MED12L: variants seen among roughly 807,000 people sequenced by gnomAD.
MED12L encodes the protein mediator of RNA polymerase II transcription subunit 12-like protein.
A neutral mutation model predicts 281.3 loss-of-function variants in MED12L; 60 were observed. That is an observed-to-expected ratio of 0.21 (90% CI 0.17 to 0.26). The LOEUF (loss-of-function observed/expected upper bound fraction) is 0.26, where lower values mean the gene tolerates loss of function less well. Ranked by LOEUF, MED12L falls within the 10% of genes least tolerant of loss-of-function variation. The probability of loss-of-function intolerance (pLI) is 1.00; values close to 1 mark genes in which losing one functional copy is unlikely to be tolerated. For missense variants in MED12L, 2,146 were observed against 2,680.9 expected (o/e 0.80, Z 4.41); for synonymous variants, 974 against 987.2 (o/e 0.99, Z 0.25).
chr3:151,432,245 T>G (rs1357357085), intron 44 of MED12L, among the ~76,000 whole-genome samples: 2 of 152,272 alleles, frequency 1.3e-5, no homozygotes, highest in African/African-American at 4.8e-5. Flanking sequence ...CATGCATGTC[T>G]ACATAGGCAC....
At chr3:151,193,970 T>TC (rs1419663720) in intron 16 of MED12L, among the ~76,000 whole-genome samples, 11 of 148,836 alleles carry the variant, frequency 7.4e-5, no homozygotes, top group Non-Finnish European at 3.0e-5. Context: ...CTTTTCTTTT[T>TC]TTTTTTTTTT....
At chr3:151,158,656 A>G in intron 6 of MED12L, 33 bp from the exon 7 acceptor site, 1 of 1,437,214 alleles carries the variant, frequency 7.0e-7, no homozygotes. Flanking sequence ...TTTCTTTAAC[A>G]TTATTAATGT....
chr3:151,281,162 G>A (rs1742742647), intron 16 of MED12L, among the ~76,000 whole-genome samples: 1 of 148,014 alleles, frequency 6.8e-6, no homozygotes, highest in Non-Finnish European at 1.5e-5. Context: ...GCCGAGGCAG[G>A]CAGGTCACAA....
chr3:151,237,350 CTTT>C (rs57239604), intron 16 of MED12L, among the ~76,000 whole-genome samples: 1 of 94,600 alleles, frequency 1.1e-5, no homozygotes, highest in African/African-American at 4.1e-5. Context: ...TTTTTTTTTT[CTTT>C]TTTTTTTTTT....
At chr3:151,123,085 T>A in intron 4 of MED12L, 111 bp downstream of exon 4, 1 of 926,142 alleles carries the variant, frequency 1.1e-6, no homozygotes, top group Non-Finnish European at 1.6e-6. Context: ...TGCAAGCCTA[T>A]TGGCAGGTTT....
At position 151,086,887 on chromosome 3, in the gene MED12L, C is replaced by A; in HGVS notation, c.-40C>A. The A allele has an allele frequency of 6.6e-7, 1 of 1,516,806 alleles. No individual in the cohort carries two copies. The allele number at this position is 1,516,806 out of a possible 1,614,324, so 94.0% of individuals were successfully genotyped here. A position where few individuals can be genotyped will look rare whatever the true frequency, so the allele number is the denominator to read the frequency against. On this transcript the variant is annotated 5_prime_UTR_variant, in exon 2 of 45. Transcript: ENST00000687756. The stretch of plus-strand genomic sequence containing the variant: ...TGGTGCTCAGAGGCGGCTGCTCCAG[C>A]TCCAACTCTCATTCATTTCGCCGGT...
At chr3:151,342,644 A>G (rs1032397757) in intron 16 of MED12L, among the ~76,000 whole-genome samples, 32 of 152,216 alleles carry the variant, frequency 2.1e-4, no homozygotes, top group African/African-American at 7.7e-4. Context: ...ACTTGAAGCT[A>G]TTAATATCAG....
At chr3:151,302,833 G>GAGTTTATAAAA (rs1471598267) in intron 16 of MED12L, among the ~76,000 whole-genome samples, 2 of 152,150 alleles carry the variant, frequency 1.3e-5, no homozygotes, top group Non-Finnish European at 2.9e-5. Context: ...AGTTTATAAA[G>GAGTTTATAAAA]AAGAGAAAGG....
intron 16 of MED12L, among the ~76,000 whole-genome samples, chr3:151,342,819 T>C (rs1315121608): frequency 6.6e-6 from 1 of 152,238 alleles, no homozygotes; most frequent in Non-Finnish European, 1.5e-5. Context: ...AAAGAGCTTT[T>C]ATGCTGTATG....
chr3:151,396,299 A>G (rs62285907), intron 39 of MED12L, among the ~76,000 whole-genome samples: 9,419 of 152,284 alleles, frequency 0.062, 434 homozygotes, highest in Middle Eastern at 0.18. Flanking sequence ...TTGAAAAACC[A>G]TCCCACTAGA....
intron 12 of MED12L, among the ~76,000 whole-genome samples, chr3:151,187,429 A>G (rs929446738): frequency 6.6e-6 from 1 of 152,240 alleles, no homozygotes; most frequent in Non-Finnish European, 1.5e-5. Context: ...CTAAAAATGT[A>G]TTCTTTCAGA....
At chr3:151,372,201 A>AT (rs1202339228) in intron 26 of MED12L, among the ~76,000 whole-genome samples, 2 of 152,276 alleles carry the variant, frequency 1.3e-5, no homozygotes, top group East Asian at 1.9e-4. Context: ...TGAGTAACCC[A>AT]TTTTTTCCTT....
intron 16 of MED12L, among the ~76,000 whole-genome samples, chr3:151,194,987 AC>A (rs1724455720): frequency 6.6e-6 from 1 of 152,104 alleles, no homozygotes; most frequent in Admixed American, 6.6e-5. Flanking sequence ...ACATGGTGAA[AC>A]CCCGTATCTA....
At chr3:151,285,211 G>A (rs934143639) in intron 16 of MED12L, among the ~76,000 whole-genome samples, 3 of 152,268 alleles carry the variant, frequency 2.0e-5, no homozygotes, top group South Asian at 2.1e-4. Flanking sequence ...CTGGCCGGAC[G>A]TGGTGGCTCA....
chr3:151,249,171 C>G (rs1220545584), intron 16 of MED12L: 2 of 152,122 alleles, frequency 1.3e-5, no homozygotes, highest in African/African-American at 4.8e-5. Flanking sequence ...ACGGCTTGAC[C>G]AAATAGTAAA....
In MED12L at chr3:151,086,788, C is replaced by T. The variant is rs561067965; in HGVS notation, c.-129-10C>T. On this transcript the variant is annotated splice_polypyrimidine_tract_variant and intron_variant, in intron 1 of 44. Transcript: ENST00000687756. ...CAGCATCCAACCTGCTTTATTCCTCCTGCCTGCAGCGCCACAGCGAGCGAG... is the reference window on the plus strand; with the variant it reads ...CAGCATCCAACCTGCTTTATTCCTCTTGCCTGCAGCGCCACAGCGAGCGAG... 6.4e-5 allele frequency: 42 copies of T among 653,518 alleles called. No individual in the cohort carries two copies. Among genetic ancestry groups the T allele is most frequent in the Admixed American group, 4.1e-4 (13 of 31,994 alleles). 40.5% of individuals were successfully genotyped at this position (653,518 alleles called of 1,614,324 possible).
chr3:151,093,294 ACCC>A (rs1244313656), intron 2 of MED12L, among the ~76,000 whole-genome samples: 2 of 152,184 alleles, frequency 1.3e-5, no homozygotes, highest in Non-Finnish European at 2.9e-5. Context: ...ATAGAGTGGT[ACCC>A]TGTCTCTTAA....
chr3:151,382,344 T>C (rs775587755), intron 32 of MED12L, among the ~76,000 whole-genome samples: 5 of 152,128 alleles, frequency 3.3e-5, no homozygotes, highest in African/African-American at 4.8e-5. Context: ...GTAAGATCAA[T>C]GAGGTAATGT....
chr3:151,123,055 T>TA, intron 4 of MED12L, 81 bp downstream of exon 4: 3 of 1,227,314 alleles, frequency 2.4e-6, no homozygotes, highest in Non-Finnish European at 3.3e-6. Context: ...ATATTTGTTT[T>TA]TCCCAATTCT....
Sources: gnomAD v4.1 joint callset for allele counts (sites outside exome capture counted in the v4.1 genomes callset) on GRCh38, gnomAD v4.1.1 for gene constraint, MANE v1.5 for transcripts, NCBI Gene and HGNC (gene_info 2026-07-23, HGNC 2026-07-21) for gene names.